Variants in GRM7 observed in about 807,000 individuals in gnomAD.
GRM7 encodes the protein metabotropic glutamate receptor 7.
In GRM7, 35 loss-of-function variants were observed where a neutral mutation model predicts 84.5. The observed-to-expected ratio is 0.41, with a 90% CI of 0.32 to 0.55. GRM7 has a LOEUF of 0.55. Ranked by LOEUF, GRM7 falls within the 20% of genes least tolerant of loss-of-function variation. The pLI is 0.19. For synonymous variants in GRM7, 487 were observed against 455.1 expected (o/e 1.07, Z -0.89); for missense variants, 1,003 against 1,194.6 (o/e 0.84, Z 2.36).
At chr3:7,172,710 C>G (rs1341981750) in intron 2 of GRM7, among the ~76,000 whole-genome samples, 1 of 152,016 alleles carries the variant, frequency 6.6e-6, no homozygotes, top group Non-Finnish European at 1.5e-5. Flanking sequence ...CTTTGGAGTT[C>G]TACTTGAAAA....
chr3:7,542,853 A>T (rs1387953909), intron 7 of GRM7, among the ~76,000 whole-genome samples: 1 of 152,136 alleles, frequency 6.6e-6, no homozygotes, highest in African/African-American at 2.4e-5. Context: ...GCCCATGCGT[A>T]GCAATTTTTA....
chr3:7,293,252 A>G lies in GRM7; in HGVS notation c.737-5432A>G, dbSNP rs138521789. ...TTGGGAGATAAAAGTATTTTATTGG[A>G]AAGCATCTGTGGTGTGATTCCTGAG... On this transcript the variant is annotated intron_variant, in intron 2 of 9. Coordinates refer to ENST00000357716, the MANE Select transcript of GRM7 (RefSeq NM_000844.4). 3.3e-5 allele frequency among the ~76,000 whole-genome samples: 5 copies of G among 152,210 alleles called. No individual in the cohort carries two copies. In the East Asian group the frequency reaches 9.6e-4, roughly 29 times the overall value.
chr3:7,292,459 A>C (rs2125012597), intron 2 of GRM7, among the ~76,000 whole-genome samples: 1 of 152,168 alleles, frequency 6.6e-6, no homozygotes, highest in African/African-American at 2.4e-5. Context: ...TCAAGTTGTG[A>C]TTTGGGGTGA....
chr3:7,331,165 T>G (rs1701194507), intron 4 of GRM7, among the ~76,000 whole-genome samples: 1 of 152,190 alleles, frequency 6.6e-6, no homozygotes, highest in African/African-American at 2.4e-5. Context: ...TACTAAAGTT[T>G]TTAAAATAAA....
intron 8 of GRM7, among the ~76,000 whole-genome samples, chr3:7,675,756 T>A (rs550733743): frequency 6.6e-6 from 1 of 152,286 alleles, no homozygotes; most frequent in East Asian, 1.9e-4. Flanking sequence ...TATAAAGTGG[T>A]TACAGTGAAA....
chr3:7,110,548 T>C (rs1692809478), intron 1 of GRM7, among the ~76,000 whole-genome samples: 2 of 151,490 alleles, frequency 1.3e-5, no homozygotes, highest in African/African-American at 2.4e-5. Context: ...TGAGCCAAGA[T>C]TGTGCCACTA....
chr3:7,432,140 A>T (rs1033579559), intron 5 of GRM7, among the ~76,000 whole-genome samples: 44 of 152,206 alleles, frequency 2.9e-4, no homozygotes, highest in Admixed American at 2.9e-3. Flanking sequence ...TCTGGATTCC[A>T]GCAGGAATTA....
intron 4 of GRM7, among the ~76,000 whole-genome samples, chr3:7,336,084 A>T (rs1045245740): frequency 7.0e-6 from 1 of 141,958 alleles, no homozygotes; most frequent in Non-Finnish European, 1.5e-5. Context: ...ACCAGGAAAG[A>T]ACGTAACAAA....
At chr3:7,037,510 A>G (rs1243372033) in intron 1 of GRM7, among the ~76,000 whole-genome samples, 3 of 152,204 alleles carry the variant, frequency 2.0e-5, no homozygotes, top group African/African-American at 4.8e-5. Context: ...TAAAGGGCAC[A>G]TAGGAAGTGC....
intron 4 of GRM7, among the ~76,000 whole-genome samples, chr3:7,365,952 T>C (rs533035523): frequency 7.7e-4 from 116 of 151,614 alleles, no homozygotes; most frequent in African/African-American, 2.7e-3. Context: ...GGGGCCAGCT[T>C]TATGTTAAAT....
At chr3:7,396,340 C>CA (rs199524821) in intron 4 of GRM7, among the ~76,000 whole-genome samples, 43 of 150,192 alleles carry the variant, frequency 2.9e-4, no homozygotes, top group African/African-American at 6.6e-4. Context: ...TCTGAGGTAG[C>CA]AAAAAAAAAG....
intron 1 of GRM7, among the ~76,000 whole-genome samples, chr3:7,131,234 G>T (rs886163000): frequency 6.6e-6 from 1 of 151,998 alleles, no homozygotes; most frequent in Non-Finnish European, 1.5e-5. Context: ...CTAACAGCAG[G>T]GAGTGACCTG....
At chr3:7,599,603 A>C (rs1036630897) in intron 8 of GRM7, among the ~76,000 whole-genome samples, 3 of 152,174 alleles carry the variant, frequency 2.0e-5, no homozygotes, top group African/African-American at 7.2e-5. Flanking sequence ...AAAGATGTCC[A>C]CTCTATAGCT....
intron 7 of GRM7, among the ~76,000 whole-genome samples, chr3:7,531,762 G>A (rs1701045324): frequency 6.6e-6 from 1 of 152,142 alleles, no homozygotes. Context: ...GAGACAATTT[G>A]ACTTCCTCTC....
intron 4 of GRM7, among the ~76,000 whole-genome samples, chr3:7,312,114 G>T (rs1272287079): frequency 6.6e-6 from 1 of 152,176 alleles, no homozygotes; most frequent in Non-Finnish European, 1.5e-5. Context: ...TCTCCCTCAA[G>T]CTCTGTTTAA....
chr3:7,073,352 A>G (rs111670567), intron 1 of GRM7, among the ~76,000 whole-genome samples: 165 of 152,182 alleles, frequency 1.1e-3, no homozygotes, highest in African/African-American at 3.7e-3. Flanking sequence ...ATAACTTGAA[A>G]ATAATGGTTC....
chr3:7,330,956 A>G (rs1232014011), intron 4 of GRM7, among the ~76,000 whole-genome samples: 3 of 152,132 alleles, frequency 2.0e-5, no homozygotes, highest in African/African-American at 7.2e-5. Context: ...CCCTTCAGAG[A>G]GGCATCTCAT....
chr3:7,599,881 G>C (rs1448870099), intron 8 of GRM7, among the ~76,000 whole-genome samples: 1 of 152,100 alleles, frequency 6.6e-6, no homozygotes, highest in African/African-American at 2.4e-5. Context: ...GGTTACTAGT[G>C]AGGACATAGG....
chr3:6,994,001 G>C (rs1413844433), intron 1 of GRM7, among the ~76,000 whole-genome samples: 1 of 152,110 alleles, frequency 6.6e-6, no homozygotes, highest in Non-Finnish European at 1.5e-5. Flanking sequence ...AAAGAGATTA[G>C]AGTTGCCAAA....
Sources: gnomAD v4.1 joint callset for allele counts (sites outside exome capture counted in the v4.1 genomes callset) on GRCh38, gnomAD v4.1.1 for gene constraint, MANE v1.5 for transcripts, NCBI Gene and HGNC (gene_info 2026-07-23, HGNC 2026-07-21) for gene names.